Variants in CYP39A1 observed in about 807,000 individuals in gnomAD.
CYP39A1 encodes 24-hydroxycholesterol 7-alpha-hydroxylase.
In CYP39A1, 49 loss-of-function variants were observed where a neutral mutation model predicts 58.1. The observed-to-expected ratio is 0.84, with a 90% confidence interval of 0.67 to 1.07. The LOEUF (loss-of-function observed/expected upper bound fraction) is 1.07. Among genes scored for constraint, CYP39A1 ranks in the 50% least tolerant of loss-of-function variants. The probability of loss-of-function intolerance (pLI) is 0.00; values close to 1 mark genes in which losing one functional copy is unlikely to be tolerated. For synonymous variants in CYP39A1, 209 were observed against 187.6 expected (o/e 1.11, Z -0.93); for missense variants, 531 against 539.4 (o/e 0.98, Z 0.16).
At chr6:46,550,517 A>G (rs1412989616) in intron 11 of CYP39A1, 80 bp from the exon 12 acceptor site, 1 of 1,273,768 alleles carries the variant, frequency 7.9e-7, no homozygotes, top group African/African-American at 1.5e-5. Context: ...TTCCATTGTA[A>G]TCTTCTCTAA....
intron 10 of CYP39A1, among the ~76,000 whole-genome samples, chr6:46,572,466 T>C (rs906219748): frequency 1.3e-5 from 2 of 152,214 alleles, no homozygotes; most frequent in African/African-American, 4.8e-5. Flanking sequence ...ATGTTTTTTC[T>C]TTCAGTAGTT....
intron 10 of CYP39A1, chr6:46,583,233 A>G: frequency 1.0e-6 from 1 of 985,392 alleles, no homozygotes; most frequent in East Asian, 1.1e-4. Context: ...AATCTTGCCA[A>G]AGATCAGGGC....
At position 46,652,490 on chromosome 6, in the gene CYP39A1, G is replaced by A. The variant is rs1407865086; in HGVS notation, c.93C>T (p.Cys31=). The A allele has an allele frequency of 1.2e-6, 2 of 1,613,938 alleles. No homozygotes were observed. Among genetic ancestry groups the A allele is most frequent in the Non-Finnish European group, 1.7e-6 (2 of 1,179,946 alleles). The change falls in exon 1 of 12, where the codon TGC becomes TGT. Residue 31 remains cysteine, a synonymous_variant. Coordinates refer to ENST00000275016, the MANE Select transcript of CYP39A1 (RefSeq NM_016593.5). ...CAATCCAAGGAATCCAGCCCTTGAT[G>A]CACGGGGGTCTACGCAAATTCTTCC... ...LQRKNLRRPP[C]IKGWIPWIGV... is the part of the protein sequence containing the mutation.
Position 46,580,897 on chromosome 6 carries a change from G to A in CYP39A1, c.1250+6180C>T, listed in dbSNP as rs924464928. 2.6e-5 allele frequency among the ~76,000 whole-genome samples: 4 copies of A among 152,164 alleles called. No individual in the cohort carries two copies. In the South Asian group the frequency reaches 6.2e-4, roughly 24 times the overall value. On this transcript the variant is annotated intron_variant, in intron 10 of 11. Transcript: ENST00000275016. Reference sequence around the variant, plus strand: ...GAAAAGGGAATGCTTATACATTGCTGATGAGAATGTAAAATAGTTCGGTCA... The same window carrying A: ...GAAAAGGGAATGCTTATACATTGCTAATGAGAATGTAAAATAGTTCGGTCA...
At chr6:46,641,154 GA>G (rs1582462118) in intron 2 of CYP39A1, among the ~76,000 whole-genome samples, 1 of 151,982 alleles carries the variant, frequency 6.6e-6, no homozygotes, top group East Asian at 1.9e-4. Flanking sequence ...AGGCTCAGGT[GA>G]AAAAAACTCA....
In CYP39A1 at chr6:46,583,340, C is replaced by A. The variant is rs553889388; in HGVS notation, c.1250+3737G>T. On this transcript the variant is annotated intron_variant, in intron 10 of 11. Coordinates refer to ENST00000275016, the MANE Select transcript of CYP39A1 (RefSeq NM_016593.5). The stretch of plus-strand genomic sequence containing the variant: ...GGAATTAGAACCAAGGAAAATCAAG[C>A]TTGTTGGTTTTGGTGTGTGTTCCAG... 9 of 985,354 alleles carry A rather than the reference C, an allele frequency of 9.1e-6. No individual in the cohort carries two copies. The South Asian group carries it at 3.3e-4, about 36-fold the overall frequency. The allele number at this position is 985,354 out of a possible 1,614,324, so 61.0% of individuals were successfully genotyped here. A position where few individuals can be genotyped will look rare whatever the true frequency, so the allele number is the denominator to read the frequency against.
chr6:46,625,296 A>C, intron 7 of CYP39A1, 122 bp downstream of exon 7: 1 of 654,522 alleles, frequency 1.5e-6, no homozygotes, highest in South Asian at 2.9e-5. Context: ...GATATATAAC[A>C]AATTATGTTG....
Position 46,550,201 on chromosome 6 carries a change from T to C in CYP39A1, c.*165A>G, listed in dbSNP as rs1770315166. The C allele has an allele frequency of 2.1e-6, 1 of 467,310 alleles. No individual in the cohort carries two copies. The highest frequency in any genetic ancestry group is 3.8e-6 in the Non-Finnish European group (1 of 260,488). 28.9% of individuals were successfully genotyped at this position (467,310 alleles called of 1,614,324 possible). A position where few individuals can be genotyped will look rare whatever the true frequency, so the allele number is the denominator to read the frequency against. On this transcript the variant is annotated 3_prime_UTR_variant, in exon 12 of 12. Coordinates refer to ENST00000275016, the MANE Select transcript of CYP39A1 (RefSeq NM_016593.5). ...TGAGAGTGATGTTAGATTCTTGGTC[T>C]ACTGTTGAAGATACCAAACACATGC...
In CYP39A1 at chr6:46,587,075, A is replaced by G. The variant is rs1419726338; in HGVS notation, c.1250+2T>C. 6.2e-7 allele frequency: 1 copy of G among 1,608,066 alleles called. No homozygotes were observed. The highest frequency in any genetic ancestry group is 8.5e-7 in the Non-Finnish European group (1 of 1,176,204). ...TAAATGTGGCCCAGCTGTCTCACTGACCTTGCAGGACACTGGAACTTCCCG... is the reference window on the plus strand; with the variant it reads ...TAAATGTGGCCCAGCTGTCTCACTGGCCTTGCAGGACACTGGAACTTCCCG... On this transcript the variant is annotated splice_donor_variant, in intron 10 of 11. Coordinates refer to ENST00000275016, the MANE Select transcript of CYP39A1 (RefSeq NM_016593.5). LOFTEE classifies it high-confidence loss of function.
At chr6:46,601,750 A>G (rs959087862) in intron 7 of CYP39A1, among the ~76,000 whole-genome samples, 1 of 151,330 alleles carries the variant, frequency 6.6e-6, no homozygotes, top group African/African-American at 2.4e-5. Context: ...CCAACTCCTG[A>G]CCTCAGGTGA....
In CYP39A1 at chr6:46,652,637, C is replaced by A; in HGVS notation, c.-55G>T. Reference sequence around the variant, plus strand: ...AAAGTGTGAAACAGTCCTGCCGTCCCTTGCTTCTTTTCTGTGGGCTACGGA... The same window carrying A: ...AAAGTGTGAAACAGTCCTGCCGTCCATTGCTTCTTTTCTGTGGGCTACGGA... On this transcript the variant is annotated 5_prime_UTR_variant, in exon 1 of 12. In the 5' UTR this introduces an upstream ATG that the reference lacks. Coordinates refer to ENST00000275016, the MANE Select transcript of CYP39A1 (RefSeq NM_016593.5). 1.4e-6 allele frequency: 2 copies of A among 1,479,380 alleles called. No individual in the cohort carries two copies. The highest frequency in any genetic ancestry group is 1.8e-6 in the Non-Finnish European group (2 of 1,109,646). 91.6% of individuals were successfully genotyped at this position (1,479,380 alleles called of 1,614,324 possible). A position where few individuals can be genotyped will look rare whatever the true frequency, so the allele number is the denominator to read the frequency against.
Position 46,637,937 on chromosome 6 carries a change from T to C in CYP39A1, c.530A>G (p.Lys177Arg), listed in dbSNP as rs763793481. 3.1e-6 allele frequency: 5 copies of C among 1,613,216 alleles called. No individual in the cohort carries two copies. Among genetic ancestry groups the C allele is most frequent in the Non-Finnish European group, 4.2e-6 (5 of 1,179,792 alleles). ...YPVTVNMLFN[K>R]SLFSTNKKKI... ...TTTCTTGTTTGTGGAAAACAAACTT[T>C]TATTAAAGAGCATATTCACTGTGAC... Residue 177 changes from lysine to arginine, a missense_variant, in exon 4 of 12, where the codon AAA becomes AGA. Coordinates refer to ENST00000275016, the MANE Select transcript of CYP39A1 (RefSeq NM_016593.5).
intron 6 of CYP39A1, among the ~76,000 whole-genome samples, chr6:46,625,909 A>G (rs1174885273): frequency 6.6e-6 from 1 of 152,112 alleles, no homozygotes; most frequent in Non-Finnish European, 1.5e-5. Flanking sequence ...TTAAGATTTA[A>G]TTTCCTTAGA....
chr6:46,558,379 G>C (rs966782592), intron 10 of CYP39A1, among the ~76,000 whole-genome samples: 3 of 152,114 alleles, frequency 2.0e-5, no homozygotes, highest in South Asian at 4.1e-4. Flanking sequence ...TTCTTCACAT[G>C]GTGGCCGGAG....
At chr6:46,626,612 A>T (rs1775320547) in intron 6 of CYP39A1, among the ~76,000 whole-genome samples, 3 of 152,208 alleles carry the variant, frequency 2.0e-5, no homozygotes, top group Admixed American at 6.5e-5. Flanking sequence ...GGTACTGTTT[A>T]CATAAACGAT....
chr6:46,614,012 A>G (rs146175189), intron 7 of CYP39A1, among the ~76,000 whole-genome samples: 4,070 of 151,424 alleles, frequency 0.027, 136 homozygotes, highest in Non-Finnish European at 0.032. Context: ...TAATTAAAAT[A>G]GAAAGGTAAA....
chr6:46,583,189 T>G, intron 10 of CYP39A1: 1 of 985,386 alleles, frequency 1.0e-6, no homozygotes, highest in East Asian at 1.1e-4. Context: ...TATTACACTC[T>G]CTTCTTATCC....
At chr6:46,580,986 A>G (rs1205712546) in intron 10 of CYP39A1, among the ~76,000 whole-genome samples, 2 of 152,236 alleles carry the variant, frequency 1.3e-5, no homozygotes. Context: ...CAGCAATCCC[A>G]TTATACCCAA....
intron 7 of CYP39A1, among the ~76,000 whole-genome samples, chr6:46,618,537 A>G (rs900452401): frequency 6.6e-6 from 1 of 152,176 alleles, no homozygotes; most frequent in Non-Finnish European, 1.5e-5. Flanking sequence ...ATTAAGGAAC[A>G]AAATAAAACC....
Sources: allele counts gnomAD v4.1 joint callset (sites outside exome capture counted in the v4.1 genomes callset), GRCh38; gene constraint gnomAD v4.1.1; transcripts MANE v1.5; gene names NCBI Gene and HGNC (gene_info 2026-07-23, HGNC 2026-07-21).